SND1: variants seen among roughly 807,000 people sequenced by gnomAD.
SND1 encodes staphylococcal nuclease domain-containing protein 1.
In SND1, 38 loss-of-function variants were observed where a neutral mutation model predicts 121.7. The observed-to-expected ratio is 0.31, with a 90% CI of 0.24 to 0.41. SND1 has a LOEUF of 0.41. SND1 is among the 10% of genes least tolerant of loss of function. The probability of loss-of-function intolerance (pLI) is 1.00; values close to 1 mark genes in which losing one functional copy is unlikely to be tolerated. For synonymous variants in SND1, 401 were observed against 447.4 expected (o/e 0.90, Z 1.31); for missense variants, 868 against 1,184.6 (o/e 0.73, Z 3.92).
intron 1 of SND1, among the ~76,000 whole-genome samples, chr7:127,670,812 A>G (rs1465558293): frequency 1.3e-5 from 2 of 151,858 alleles, no homozygotes; most frequent in Non-Finnish European, 2.9e-5. Flanking sequence ...GCACTCAGCC[A>G]TAGATCACGT....
intron 11 of SND1, among the ~76,000 whole-genome samples, chr7:127,822,495 T>C (rs1359064120): frequency 6.6e-6 from 1 of 152,228 alleles, no homozygotes; most frequent in African/African-American, 2.4e-5. Context: ...ATTCTGTCTT[T>C]GTTTATGATA....
chr7:127,739,641 A>G (rs1638290808), intron 10 of SND1, among the ~76,000 whole-genome samples: 3 of 152,244 alleles, frequency 2.0e-5, no homozygotes, highest in African/African-American at 7.2e-5. Context: ...ATGGTGCATT[A>G]GTAGCTAAGA....
At chr7:127,772,726 A>G (rs1452321224) in intron 10 of SND1, among the ~76,000 whole-genome samples, 2 of 152,028 alleles carry the variant, frequency 1.3e-5, no homozygotes, top group Non-Finnish European at 2.9e-5. Flanking sequence ...ACCAAGGAGT[A>G]TTCTAAACAA....
At chr7:127,906,568 C>T (rs368024225) in intron 14 of SND1, among the ~76,000 whole-genome samples, 3 of 152,110 alleles carry the variant, frequency 2.0e-5, no homozygotes, top group East Asian at 3.8e-4. Flanking sequence ...ACACAAAGGG[C>T]CAAATATGCC....
chr7:127,670,867 A>G (rs1458013190), intron 1 of SND1, among the ~76,000 whole-genome samples: 4 of 151,746 alleles, frequency 2.6e-5, no homozygotes, highest in Admixed American at 6.6e-5. Flanking sequence ...TAATTGGCAT[A>G]GGAAGGAAAA....
chr7:127,704,769 G>A, intron 7 of SND1, 70 bp from the exon 8 acceptor site: 1 of 1,261,494 alleles, frequency 7.9e-7, no homozygotes, highest in East Asian at 2.4e-5. Context: ...TGTGTCAGAA[G>A]TCTAGAGAAA....
At chr7:127,872,538 T>C (rs1184912073) in intron 12 of SND1, among the ~76,000 whole-genome samples, 1 of 152,110 alleles carries the variant, frequency 6.6e-6, no homozygotes, top group African/African-American at 2.4e-5. Flanking sequence ...ACTCTTCACC[T>C]ATTTTTTATA....
intron 16 of SND1, among the ~76,000 whole-genome samples, chr7:128,001,809 T>C (rs1025336293): frequency 1.3e-5 from 2 of 152,188 alleles, no homozygotes; most frequent in African/African-American, 4.8e-5. Flanking sequence ...CACATGCCTG[T>C]AATCCCAACT....
chr7:127,766,186 T>A (rs1447171415), intron 10 of SND1, among the ~76,000 whole-genome samples: 2 of 152,206 alleles, frequency 1.3e-5, no homozygotes, highest in South Asian at 4.1e-4. Flanking sequence ...CAAGGTGCCA[T>A]CTTGGAAGCA....
Position 127,857,183 on chromosome 7 carries a change from CTTTTTTTTTTTT to C in SND1, c.1343+12775_1343+12786del, listed in dbSNP as rs71522259. ...CCAATTCTTAGGAAAAATGTCAACA[CTTTTTTTTTTTT>C]TTTTTTTTTTTTTTTGAGATGGAGT... is the stretch of plus-strand genomic sequence containing the variant. On this transcript the variant is annotated intron_variant, in intron 12 of 23. Coordinates refer to ENST00000354725, the MANE Select transcript of SND1 (RefSeq NM_014390.4). Among the ~76,000 whole-genome samples the C allele has an allele frequency of 4.0e-3, 269 of 67,998 alleles. 2 individuals are homozygous for C. The highest frequency in any genetic ancestry group is 0.019 in the South Asian group (39 of 2,020). 44.6% of individuals were successfully genotyped at this position (67,998 alleles called of 152,430 possible). A position where few individuals can be genotyped will look rare whatever the true frequency, so the allele number is the denominator to read the frequency against.
chr7:127,811,831 C>T (rs1185946125), intron 11 of SND1, among the ~76,000 whole-genome samples: 1 of 152,162 alleles, frequency 6.6e-6, no homozygotes, highest in Non-Finnish European at 1.5e-5. Flanking sequence ...AGATGTGGCT[C>T]ATTTGTAATT....
intron 15 of SND1, among the ~76,000 whole-genome samples, chr7:127,963,761 A>AT (rs1325646593): frequency 1.4e-5 from 1 of 70,578 alleles, no homozygotes; most frequent in Non-Finnish European, 2.8e-5. Context: ...TCCTTTGGGT[A>AT]TATACCCAGT....
At chr7:127,932,088 G>T (rs1800966569) in intron 15 of SND1, among the ~76,000 whole-genome samples, 1 of 152,192 alleles carries the variant, frequency 6.6e-6, no homozygotes, top group Admixed American at 6.5e-5. Context: ...TGTTTTGTAA[G>T]CCTAAAGCTG....
intron 12 of SND1, among the ~76,000 whole-genome samples, chr7:127,861,700 ACCTTAGGTGAT>A (rs1799383858): frequency 6.6e-6 from 1 of 152,038 alleles, no homozygotes; most frequent in Non-Finnish European, 1.5e-5. Flanking sequence ...AGGGATCCTG[ACCTTAGGTGAT>A]CCACCCGCCT....
At chr7:127,885,623 C>T (rs1799889762) in intron 12 of SND1, among the ~76,000 whole-genome samples, 2 of 152,014 alleles carry the variant, frequency 1.3e-5, no homozygotes, top group Non-Finnish European at 2.9e-5. Flanking sequence ...TTGGTTTTTC[C>T]CGGCCAGGCA....
chr7:127,718,298 G>A (rs1178351457), intron 9 of SND1, among the ~76,000 whole-genome samples: 2 of 152,044 alleles, frequency 1.3e-5, no homozygotes, highest in South Asian at 2.1e-4. Flanking sequence ...AATGTGGTCC[G>A]TAATGGTGCT....
intron 15 of SND1, among the ~76,000 whole-genome samples, chr7:127,950,468 C>A (rs1222605906): frequency 1.3e-5 from 2 of 152,176 alleles, no homozygotes; most frequent in Non-Finnish European, 2.9e-5. Context: ...GCAAAGAAAG[C>A]CCTAAGTGGC....
At chr7:127,962,416 C>T (rs539388103) in intron 15 of SND1, among the ~76,000 whole-genome samples, 1 of 152,298 alleles carries the variant, frequency 6.6e-6, no homozygotes, top group African/African-American at 2.4e-5. Context: ...TAATCTCAGA[C>T]ATCTTTGGCA....
chr7:127,859,429 G>C (rs1799339278), intron 12 of SND1, among the ~76,000 whole-genome samples: 1 of 152,188 alleles, frequency 6.6e-6, no homozygotes, highest in Non-Finnish European at 1.5e-5. Context: ...GACCTAAATA[G>C]AACCAATAGG....
Sources: allele counts gnomAD v4.1 joint callset (sites outside exome capture counted in the v4.1 genomes callset), GRCh38; gene constraint gnomAD v4.1.1; transcripts MANE v1.5; gene names NCBI Gene and HGNC (gene_info 2026-07-23, HGNC 2026-07-21).